CA5A: variants seen among roughly 807,000 people sequenced by gnomAD.
CA5A encodes the protein carbonic anhydrase 5A, mitochondrial.
CA5A carries 28 observed loss-of-function variants against 37.1 expected under a neutral mutation model. The observed-to-expected ratio is 0.75, with a 90% CI of 0.56 to 1.03. CA5A has a LOEUF of 1.03. Among genes scored for constraint, CA5A ranks in the 50% least tolerant of loss-of-function variants. CA5A has a pLI of 0.00. For synonymous variants in CA5A, 171 were observed against 158.4 expected (o/e 1.08, Z -0.60); for missense variants, 444 against 399.9 (o/e 1.11, Z -0.94).
chr16:87,899,918 TCAAAAAAA>T (rs1328247921), intron 5 of CA5A, among the ~76,000 whole-genome samples: 1 of 27,394 alleles, frequency 3.7e-5, no homozygotes, highest in Non-Finnish European at 6.0e-5. Context: ...AGATTTTATC[TCAAAAAAA>T]AAAAAAAAAA....
chr16:87,908,754 G>A (rs1488595057), intron 2 of CA5A, among the ~76,000 whole-genome samples: 2 of 152,142 alleles, frequency 1.3e-5, no homozygotes, highest in Admixed American at 6.6e-5. Context: ...GAGCCCACAG[G>A]CATCTCTTCA....
Position 87,891,867 on chromosome 16 carries a change from T to C in CA5A, c.706A>G (p.Thr236Ala). Reference protein sequence around the residue: ...DYWTYAGSLTTPPLTESVTWI... With the variant: ...DYWTYAGSLTAPPLTESVTWI... Reference sequence around the variant, plus strand: ...GTGACCGACTCGGTCAGCGGCGGGGTGGTGAGCGAGCCCGCGTAGGTCCAG... The same window carrying C: ...GTGACCGACTCGGTCAGCGGCGGGGCGGTGAGCGAGCCCGCGTAGGTCCAG... The change falls in exon 6 of 7, where the codon ACC (threonine) becomes GCC (alanine). Residue 236 changes from threonine to alanine, a missense_variant. By Grantham distance (58) the Thr-to-Ala change is moderately conservative (BLOSUM62 0). Transcript: ENST00000649794. 6.4e-7 allele frequency: 1 copy of C among 1,551,030 alleles called. No homozygotes were observed. Among genetic ancestry groups the C allele is most frequent in the Non-Finnish European group, 8.7e-7 (1 of 1,151,286 alleles).
chr16:87,930,620 G>A (rs1019535816), intron 1 of CA5A, among the ~76,000 whole-genome samples: 1 of 152,158 alleles, frequency 6.6e-6, no homozygotes. Context: ...GCTGGGTGGG[G>A]AGGAGAGAGC....
intron 2 of CA5A, chr16:87,923,766 A>T (rs368225839): frequency 2.0e-6 from 2 of 985,136 alleles, no homozygotes; most frequent in Non-Finnish European, 2.4e-6. Context: ...AGTTATTAAA[A>T]TATCAGTGAG....
chr16:87,916,379 T>TTAGGATGC (rs1289975967), intron 2 of CA5A, among the ~76,000 whole-genome samples: 10 of 152,022 alleles, frequency 6.6e-5, no homozygotes, highest in Non-Finnish European at 4.4e-5. Flanking sequence ...TGTGTAATAT[T>TTAGGATGC]TAGGATGCTC....
chr16:87,903,257 C>A (rs2055907232), intron 3 of CA5A, among the ~76,000 whole-genome samples: 1 of 151,998 alleles, frequency 6.6e-6, no homozygotes, highest in Non-Finnish European at 1.5e-5. Context: ...ATGGTGAAAC[C>A]CCGTCCCTAC....
intron 2 of CA5A, among the ~76,000 whole-genome samples, chr16:87,918,773 C>T (rs751676262): frequency 3.3e-5 from 5 of 152,122 alleles, no homozygotes; most frequent in African/African-American, 1.2e-4. Flanking sequence ...CTAGCCCTAC[C>T]TGTCCTTCAT....
At chr16:87,927,010 G>T in intron 1 of CA5A, 65 bp from the exon 2 acceptor site, 1 of 1,167,242 alleles carries the variant, frequency 8.6e-7, no homozygotes, top group Non-Finnish European at 1.2e-6. Flanking sequence ...TGGACGGACA[G>T]GGCAGAAACC....
chr16:87,907,445 A>G (rs964422939), intron 2 of CA5A, among the ~76,000 whole-genome samples: 1 of 152,114 alleles, frequency 6.6e-6, no homozygotes, highest in Non-Finnish European at 1.5e-5. Context: ...CTCTCTTGGG[A>G]TGGGCTCACT....
chr16:87,894,573 T>TA (rs55721035), intron 5 of CA5A, among the ~76,000 whole-genome samples: 5,134 of 144,398 alleles, frequency 0.036, 248 homozygotes, highest in African/African-American at 0.11. Context: ...TCCAGTTAAT[T>TA]AAAAAAAAAA....
chr16:87,888,843 C>A (rs1362263008), intron 6 of CA5A, among the ~76,000 whole-genome samples: 1 of 152,204 alleles, frequency 6.6e-6, no homozygotes, highest in African/African-American at 2.4e-5. Context: ...ACCTCCGCCT[C>A]CCAGGTTCAA....
chr16:87,925,146 T>C (rs11117309), intron 2 of CA5A, among the ~76,000 whole-genome samples: 83,186 of 152,010 alleles, frequency 0.55, 23,792 homozygotes, highest in Non-Finnish European at 0.63. Flanking sequence ...AGGAGGCAGA[T>C]GGGATGCCTG....
At position 87,914,237 on chromosome 16, in the gene CA5A, A is replaced by G. The variant is rs577614567; in HGVS notation, c.341-9333T>C. Among the ~76,000 whole-genome samples the G allele has an allele frequency of 1.4e-4, 22 of 152,362 alleles. No individual in the cohort carries two copies. In the South Asian group the frequency reaches 4.6e-3, roughly 32 times the overall value. Reference sequence around the variant, plus strand: ...GGAGCTCCGAGCAGTGGCGAGAGGAAGTCACGGGTGACCATGGTAGGCATT... The same window carrying G: ...GGAGCTCCGAGCAGTGGCGAGAGGAGGTCACGGGTGACCATGGTAGGCATT... On this transcript the variant is annotated intron_variant, in intron 2 of 6. Transcript: ENST00000649794.
rs11314702 is a variant in CA5A, at chr16:87,911,099, CAAAAAAAAA to C, written c.341-6204_341-6196del. 2.1e-5 allele frequency among the ~76,000 whole-genome samples: 2 copies of C among 96,554 alleles called. No homozygotes were observed. Among genetic ancestry groups the C allele is most frequent in the South Asian group, 3.1e-4 (1 of 3,222 alleles). The allele number at this position is 96,554 out of a possible 152,430, so 63.3% of individuals were successfully genotyped here. A position where few individuals can be genotyped will look rare whatever the true frequency, so the allele number is the denominator to read the frequency against. On this transcript the variant is annotated intron_variant, in intron 2 of 6. Transcript: ENST00000649794. This position sits in a 1 kb window ranked among gnomAD's most constrained non-coding sequence, Gnocchi z 4.6. ...ACAATGTCAGGGTATTCTCCTTAAT[CAAAAAAAAA>C]AAAAAAAAAAAAGGCAAGCCCAATT...
At chr16:87,886,143 G>GTATTTT (rs1157538476), downstream of CA5A, 10 of 113,962 alleles carry the variant, frequency 8.8e-5, no homozygotes, top group African/African-American at 3.3e-4. Flanking sequence ...TCTGGATCAA[G>GTATTTT]TTTTTTTTTT....
chr16:87,930,752 C>T (rs56862777), intron 1 of CA5A, among the ~76,000 whole-genome samples: 3,414 of 97,826 alleles, frequency 0.035, 100 homozygotes, highest in African/African-American at 0.098. Context: ...TTTTTTTTTT[C>T]TTTTTTGAGA....
intron 2 of CA5A, among the ~76,000 whole-genome samples, chr16:87,920,465 ACGCTCG>A (rs1184864302): frequency 2.0e-5 from 3 of 151,914 alleles, no homozygotes; most frequent in Non-Finnish European, 4.4e-5. Context: ...ATGCACCACC[ACGCTCG>A]GCTAATTTTT....
At chr16:87,925,777 C>G (rs1198425272) in intron 2 of CA5A, among the ~76,000 whole-genome samples, 1 of 152,142 alleles carries the variant, frequency 6.6e-6, no homozygotes, top group African/African-American at 2.4e-5. Context: ...GGCTTGGTGG[C>G]TTTCAGGACC....
At chr16:87,931,736 G>A (rs530970654) in intron 1 of CA5A, among the ~76,000 whole-genome samples, 3 of 152,164 alleles carry the variant, frequency 2.0e-5, no homozygotes, top group South Asian at 2.1e-4. Flanking sequence ...GCTAAGTGCC[G>A]GAAAGCAGTG....
Sources: gnomAD v4.1 joint callset for allele counts (sites outside exome capture counted in the v4.1 genomes callset) on GRCh38, gnomAD v4.1.1 for gene constraint, Gnocchi (gnomAD v3.1) non-coding constraint, MANE v1.5 for transcripts, NCBI Gene and HGNC (gene_info 2026-07-23, HGNC 2026-07-21) for gene names.